PEX7: variants seen among roughly 807,000 people sequenced by gnomAD.
PEX7 encodes PTS2 receptor.
A neutral mutation model predicts 47.5 loss-of-function variants in PEX7; 34 were observed. The ratio of observed to expected loss-of-function variants is 0.72; its 90% confidence interval spans 0.54 to 0.95. The LOEUF is 0.95. Ranked by LOEUF, PEX7 falls within the 40% of genes least tolerant of loss-of-function variation. The pLI is 0.00. For synonymous variants in PEX7, 141 were observed against 148.8 expected (o/e 0.95, Z 0.38); for missense variants, 394 against 400.3 (o/e 0.98, Z 0.13).
chr6:136,830,049 T>G lies in PEX7; in HGVS notation c.339+3580T>G, dbSNP rs924497702. The G allele has an allele frequency of 4.7e-5, 34 of 716,012 alleles. No individual in the cohort carries two copies. In the Admixed American group the frequency reaches 5.0e-4, roughly 11 times the overall value. The allele number at this position is 716,012 out of a possible 1,614,324, so 44.4% of individuals were successfully genotyped here. On this transcript the variant is annotated intron_variant, in intron 3 of 9. Coordinates refer to ENST00000318471, the MANE Select transcript of PEX7 (RefSeq NM_000288.4). ...TGTTGTGAAATAGAAGAGCAACTAATGGGTCATTTTCTTCTGTGGAAGAGA... is the reference window on the plus strand; with the variant it reads ...TGTTGTGAAATAGAAGAGCAACTAAGGGGTCATTTTCTTCTGTGGAAGAGA...
In PEX7 at chr6:136,900,540, C is replaced by T. The variant is rs758687218; in HGVS notation, c.903+2299C>T. ...TAGCTTCCACCATCTTAGCCAAAGC[C>T]CTTTTGTCTTCCGAGTTAATCTGTG... On this transcript the variant is annotated intron_variant, in intron 9 of 9. Transcript: ENST00000318471. This position sits in a 1 kb window ranked among gnomAD's most constrained non-coding sequence, Gnocchi z 4.2. The T allele has an allele frequency of 1.5e-5, 7 of 460,614 alleles. No homozygotes were observed. The highest frequency in any genetic ancestry group is 2.6e-5 in the Non-Finnish European group (6 of 231,260). The allele number at this position is 460,614 out of a possible 1,614,324, so 28.5% of individuals were successfully genotyped here. A position where few individuals can be genotyped will look rare whatever the true frequency, so the allele number is the denominator to read the frequency against.
At chr6:136,852,938 G>T (rs1157699921) in intron 5 of PEX7, among the ~76,000 whole-genome samples, 1 of 124,312 alleles carries the variant, frequency 8.0e-6, no homozygotes, top group Non-Finnish European at 1.7e-5. Flanking sequence ...AACCAAAACA[G>T]CATGGTACTG....
At chr6:136,869,500 G>A (rs1018963511) in intron 6 of PEX7, among the ~76,000 whole-genome samples, 2 of 152,116 alleles carry the variant, frequency 1.3e-5, no homozygotes, top group Non-Finnish European at 2.9e-5. Flanking sequence ...TGCCTCCCAA[G>A]GTGCTGGAAT....
At chr6:136,841,046 G>A (rs1774488171) in intron 3 of PEX7, among the ~76,000 whole-genome samples, 1 of 152,120 alleles carries the variant, frequency 6.6e-6, no homozygotes, top group South Asian at 2.1e-4. Context: ...TAAAATATAA[G>A]ATCCATGGGG....
At chr6:136,904,061 A>C (rs1282349571) in intron 9 of PEX7, among the ~76,000 whole-genome samples, 1 of 152,204 alleles carries the variant, frequency 6.6e-6, no homozygotes, top group African/African-American at 2.4e-5. Flanking sequence ...ACAGTAGATA[A>C]AAGTATTTAA....
At chr6:136,906,416 A>G (rs545534098) in intron 9 of PEX7, among the ~76,000 whole-genome samples, 5 of 152,176 alleles carry the variant, frequency 3.3e-5, no homozygotes, top group Non-Finnish European at 4.4e-5. Context: ...TGAATAACCT[A>G]TAGATATAAC....
intron 1 of PEX7, 101 bp from the exon 2 acceptor site, chr6:136,825,113 T>A (rs1774163320): frequency 1.0e-6 from 1 of 955,428 alleles, no homozygotes; most frequent in Non-Finnish European, 1.7e-6. Flanking sequence ...GGGGAAAAAT[T>A]TGTGGTATTA....
chr6:136,896,246 T>G (rs1421259900), intron 8 of PEX7, among the ~76,000 whole-genome samples: 1 of 152,226 alleles, frequency 6.6e-6, no homozygotes, highest in East Asian at 1.9e-4. Flanking sequence ...TTTTATGGTT[T>G]ACATAAAGAA....
chr6:136,855,302 T>A (rs1774839332), intron 5 of PEX7, among the ~76,000 whole-genome samples: 1 of 152,090 alleles, frequency 6.6e-6, no homozygotes, highest in Non-Finnish European at 1.5e-5. Flanking sequence ...ATCTTGTTGA[T>A]GTTTGTTATT....
In PEX7 at chr6:136,823,482, C is replaced by T. The variant is rs185554882; in HGVS notation, c.130+687C>T. The T allele has an allele frequency of 9.7e-5, 36 of 371,064 alleles. No individual in the cohort carries two copies. In the East Asian group the frequency reaches 2.6e-3, roughly 27 times the overall value. The allele number at this position is 371,064 out of a possible 1,614,324, so 23.0% of individuals were successfully genotyped here. ...CTGAGGCGGGAGGATCGCTTGAGCCCGGGATGTTGAGGCTACAATGAGCTG... is the reference window on the plus strand; with the variant it reads ...CTGAGGCGGGAGGATCGCTTGAGCCTGGGATGTTGAGGCTACAATGAGCTG... On this transcript the variant is annotated intron_variant, in intron 1 of 9. Transcript: ENST00000318471.
intron 3 of PEX7, among the ~76,000 whole-genome samples, chr6:136,841,918 C>A (rs1774508539): frequency 2.0e-5 from 3 of 150,054 alleles, no homozygotes; most frequent in South Asian, 2.1e-4. Context: ...AAAAAAAAAA[C>A]CCACACAGTC....
chr6:136,901,270 C>T (rs1775749554), intron 9 of PEX7: 1 of 152,254 alleles, frequency 6.6e-6, no homozygotes, highest in Admixed American at 6.5e-5. Flanking sequence ...TTCCCTCTCA[C>T]TTTTGTCAGT....
intron 3 of PEX7, among the ~76,000 whole-genome samples, chr6:136,839,910 A>T (rs1562732177): frequency 6.6e-6 from 1 of 151,944 alleles, no homozygotes; most frequent in Non-Finnish European, 1.5e-5. Context: ...CTAATGTGGT[A>T]AGCGCTGTGA....
rs141639853 is a variant in PEX7 at position 136,850,636 on chromosome 6, T to C, written c.526+4455T>C. The stretch of plus-strand genomic sequence containing the variant: ...CTGGCAAGGACAAATTCATGGATGG[T>C]AATGTTATAACTGAGATATGATACA... On this transcript the variant is annotated intron_variant, in intron 5 of 9. Coordinates refer to ENST00000318471, the MANE Select transcript of PEX7 (RefSeq NM_000288.4). Among the ~76,000 whole-genome samples, 301 of 152,292 alleles carry C rather than the reference T, an allele frequency of 2.0e-3. 3 individuals are homozygous for C. Among genetic ancestry groups the C allele is most frequent in the African/African-American group, 6.5e-3 (270 of 41,580 alleles).
Position 136,863,177 on chromosome 6 carries a change from A to C in PEX7, c.527-3450A>C, listed in dbSNP as rs1329756757. Among the ~76,000 whole-genome samples, 3 of 152,284 alleles carry C rather than the reference A, an allele frequency of 2.0e-5. No individual in the cohort carries two copies. In the South Asian group the frequency reaches 6.2e-4, roughly 32 times the overall value. On this transcript the variant is annotated intron_variant, in intron 5 of 9. Transcript: ENST00000318471. ...TTTCACAATGAGATATGTTGTCACTAGTGGGTCCTGAATTTTATAACTTGT... is the reference window on the plus strand; with the variant it reads ...TTTCACAATGAGATATGTTGTCACTCGTGGGTCCTGAATTTTATAACTTGT...
chr6:136,865,672 G>C (rs376798199), intron 5 of PEX7, among the ~76,000 whole-genome samples: 4 of 152,170 alleles, frequency 2.6e-5, no homozygotes, highest in African/African-American at 9.7e-5. Flanking sequence ...CAGCTACTTG[G>C]GGGGCTGAAG....
In PEX7 at chr6:136,846,588, G is replaced by A. The variant is rs142613558; in HGVS notation, c.526+407G>A. On this transcript the variant is annotated intron_variant, in intron 5 of 9. Coordinates refer to ENST00000318471, the MANE Select transcript of PEX7 (RefSeq NM_000288.4). ...ACTTCCCACCTATGAGTGAGAACAT[G>A]CGGTGTTTGGTTTTCTGTCCTTGGA... is the stretch of plus-strand genomic sequence containing the variant. 7.8e-3 allele frequency among the ~76,000 whole-genome samples: 1,182 copies of A among 151,972 alleles called. 12 individuals are homozygous for A. Among genetic ancestry groups the A allele is most frequent in the African/African-American group, 0.025 (1,024 of 41,412 alleles).
At chr6:136,873,479 T>A (rs1340074851) in intron 8 of PEX7, among the ~76,000 whole-genome samples, 1 of 152,306 alleles carries the variant, frequency 6.6e-6, no homozygotes, top group East Asian at 1.9e-4. Context: ...CCAATTTTGA[T>A]ACTCAGTAGC....
chr6:136,885,186 C>T (rs1007557548), intron 8 of PEX7, among the ~76,000 whole-genome samples: 3 of 152,258 alleles, frequency 2.0e-5, no homozygotes, highest in East Asian at 1.9e-4. Context: ...GGAAGAGCAG[C>T]ATTCCGTGTC....
Sources: allele counts gnomAD v4.1 joint callset (sites outside exome capture counted in the v4.1 genomes callset), GRCh38; gene constraint gnomAD v4.1.1; non-coding constraint Gnocchi (gnomAD v3.1); transcripts MANE v1.5; gene names NCBI Gene and HGNC (gene_info 2026-07-23, HGNC 2026-07-21).